The following ADRA1A variants were observed in gnomAD, a reference collection of about 807,000 sequenced individuals.
ADRA1A encodes adrenoceptor alpha 1A.
A neutral mutation model predicts 29.6 loss-of-function variants in ADRA1A; 31 were observed. That is an observed-to-expected ratio of 1.05 (90% CI 0.79 to 1.41). ADRA1A has a LOEUF of 1.41. ADRA1A is among the 40% of genes most tolerant of loss of function. ADRA1A has a pLI of 0.00. For missense variants in ADRA1A, 619 were observed against 601.1 expected (o/e 1.03, Z -0.31); for synonymous variants, 311 against 254.3 (o/e 1.22, Z -2.12).
intron 2 of ADRA1A, among the ~76,000 whole-genome samples, chr8:26,786,448 A>G (rs1180183247): frequency 2.6e-5 from 4 of 151,830 alleles, no homozygotes; most frequent in Non-Finnish European, 5.9e-5. Flanking sequence ...GTTGAATAAT[A>G]AGACTCATTA....
At chr8:26,828,844 A>C (rs976596709) in intron 2 of ADRA1A, among the ~76,000 whole-genome samples, 1 of 152,160 alleles carries the variant, frequency 6.6e-6, no homozygotes, top group African/African-American at 2.4e-5. Context: ...CGTGATAACC[A>C]CATGCAGGAA....
rs1054545537 is a variant in ADRA1A, at chr8:26,806,711, C to T, written c.884-36045G>A. ...CTTTACTCTGGCTTAACCGAGAGTT[C>T]GGTCATTACATAAAGCTGCCACATG... On this transcript the variant is annotated intron_variant, in intron 2 of 2. Transcript: ENST00000380573. This position sits in a 1 kb window ranked among gnomAD's most constrained non-coding sequence, Gnocchi z 4.6. Among the ~76,000 whole-genome samples, 3 of 152,146 alleles carry T rather than the reference C, an allele frequency of 2.0e-5. No individual in the cohort carries two copies. The highest frequency in any genetic ancestry group is 1.9e-4 in the East Asian group (1 of 5,190).
At chr8:26,858,940 C>A in intron 2 of ADRA1A, 1 of 828,606 alleles carries the variant, frequency 1.2e-6, no homozygotes, top group Non-Finnish European at 1.6e-6. Flanking sequence ...CAGCAAGCAA[C>A]CCAGCCTTAG....
Position 26,796,699 on chromosome 8 carries a change from A to T in ADRA1A, c.884-26033T>A, listed in dbSNP as rs145711364. Among the ~76,000 whole-genome samples, 191 of 152,264 alleles carry T rather than the reference A, an allele frequency of 1.3e-3. 2 individuals carry two copies. Among genetic ancestry groups the T allele is most frequent in the African/African-American group, 4.4e-3 (183 of 41,560 alleles). Reference sequence around the variant, plus strand: ...AATGATGCTAAAGGAGGGTCAGTGTAAAAGTGGATAGAGAGATGATTAATT... The same window carrying T: ...AATGATGCTAAAGGAGGGTCAGTGTTAAAGTGGATAGAGAGATGATTAATT... On this transcript the variant is annotated intron_variant, in intron 2 of 2. Transcript: ENST00000380573. This position sits in a 1 kb window ranked among gnomAD's most constrained non-coding sequence, Gnocchi z 5.0.
chr8:26,816,691 A>G (rs1239255339), intron 2 of ADRA1A, among the ~76,000 whole-genome samples: 1 of 152,198 alleles, frequency 6.6e-6, no homozygotes, highest in African/African-American at 2.4e-5. Context: ...TGGCTCACTC[A>G]CACCTCCATG....
chr8:26,784,320 C>T (rs114516653), intron 2 of ADRA1A, among the ~76,000 whole-genome samples: 3,142 of 152,318 alleles, frequency 0.021, 101 homozygotes, highest in African/African-American at 0.069. Context: ...TTCCCGCTGT[C>T]GGGATTCCCC....
At chr8:26,763,198 C>T (rs959730348), downstream of ADRA1A, among the ~76,000 whole-genome samples, 4 of 152,104 alleles carry the variant, frequency 2.6e-5, no homozygotes, top group Non-Finnish European at 4.4e-5. The surrounding 1 kb of genome is among the most constrained non-coding windows in gnomAD (Gnocchi z 4.5). Context: ...TCCAGGCAGG[C>T]CCTCAAATGC....
chr8:26,757,969 AGCC>A (rs1805286562), intron 2 of ADRA1A, among the ~76,000 whole-genome samples: 1 of 152,224 alleles, frequency 6.6e-6, no homozygotes, highest in Non-Finnish European at 1.5e-5. Flanking sequence ...CTAAGTAAGT[AGCC>A]AATGTGAGGA....
intron 2 of ADRA1A, among the ~76,000 whole-genome samples, chr8:26,792,441 T>G (rs1334497782): frequency 6.6e-6 from 1 of 152,008 alleles, no homozygotes; most frequent in Non-Finnish European, 1.5e-5. Context: ...ATGATTAATT[T>G]GATAGATGTA....
chr8:26,787,120 G>C lies in ADRA1A; in HGVS notation c.884-16454C>G, dbSNP rs997787006. On this transcript the variant is annotated intron_variant, in intron 2 of 2. Coordinates refer to ENST00000380573, the MANE Select transcript of ADRA1A (RefSeq NM_000680.4). This position sits in a 1 kb window ranked among gnomAD's most constrained non-coding sequence, Gnocchi z 4.2. ...TAGCTGAGCTCAGATTCAAATTCAG[G>C]CTTCATGCCCAAACTCATGTTTTAA... Among the ~76,000 whole-genome samples the C allele has an allele frequency of 6.6e-6, 1 of 152,058 alleles. No individual in the cohort carries two copies. The highest frequency in any genetic ancestry group is 2.4e-5 in the African/African-American group (1 of 41,390).
chr8:26,785,466 G>C (rs746359923), intron 2 of ADRA1A, among the ~76,000 whole-genome samples: 5 of 152,176 alleles, frequency 3.3e-5, no homozygotes, highest in Admixed American at 1.3e-4. Context: ...GGGTTACACA[G>C]CCAGTGAGCA....
At chr8:26,813,758 A>AT (rs948012754) in intron 2 of ADRA1A, among the ~76,000 whole-genome samples, 10 of 150,898 alleles carry the variant, frequency 6.6e-5, no homozygotes, top group East Asian at 4.1e-4. Flanking sequence ...TTTATTTCCC[A>AT]TTTTTTTAAG....
At chr8:26,839,738 T>C (rs1203442618) in intron 2 of ADRA1A, among the ~76,000 whole-genome samples, 1 of 152,140 alleles carries the variant, frequency 6.6e-6, no homozygotes, top group African/African-American at 2.4e-5. Flanking sequence ...GAAGGAGGCA[T>C]ATTTCTTCCT....
At chr8:26,772,572 C>T (rs746553989) in intron 2 of ADRA1A, among the ~76,000 whole-genome samples, 5 of 152,062 alleles carry the variant, frequency 3.3e-5, no homozygotes, top group African/African-American at 1.2e-4. Context: ...TCCTAATGGC[C>T]CTGAACAATT....
intron 2 of ADRA1A, among the ~76,000 whole-genome samples, chr8:26,834,924 G>T (rs148451801): frequency 6.6e-6 from 1 of 152,072 alleles, no homozygotes; most frequent in Non-Finnish European, 1.5e-5. Context: ...TCAAATCATC[G>T]TGTAAAGGGC....
chr8:26,785,456 G>C (rs994855619), intron 2 of ADRA1A, among the ~76,000 whole-genome samples: 3 of 152,154 alleles, frequency 2.0e-5, no homozygotes, highest in African/African-American at 4.8e-5. Flanking sequence ...AACTTGCTCA[G>C]GGTTACACAG....
At chr8:26,830,344 A>G (rs1810887037) in intron 2 of ADRA1A, among the ~76,000 whole-genome samples, 1 of 152,222 alleles carries the variant, frequency 6.6e-6, no homozygotes, top group South Asian at 2.1e-4. Flanking sequence ...CTGTGGTATT[A>G]TGATGCTCCC....
At chr8:26,760,534 G>A (rs1315976062) in intron 2 of ADRA1A, among the ~76,000 whole-genome samples, 8 of 152,146 alleles carry the variant, frequency 5.3e-5, no homozygotes, top group Non-Finnish European at 1.2e-4. Flanking sequence ...CATTTTTCAA[G>A]CCAGTCATGA....
rs374311840 is a variant in ADRA1A, at chr8:26,860,114, TACC to T, written c.883+3970_883+3972del. On this transcript the variant is annotated intron_variant, in intron 2 of 2. Coordinates refer to ENST00000380573, the MANE Select transcript of ADRA1A (RefSeq NM_000680.4). The surrounding 1 kb of genome is among the most constrained non-coding windows in gnomAD (Gnocchi z 4.7). Reference sequence around the variant, plus strand: ...CCCAGTGATTCCGAGGGCTCCTGTCTACCACCACTTCTCTCCACCACAACATCT... The same window carrying T: ...CCCAGTGATTCCGAGGGCTCCTGTCTACCACTTCTCTCCACCACAACATCT... 2.0e-5 allele frequency among the ~76,000 whole-genome samples: 3 copies of T among 152,236 alleles called. No homozygotes were observed. The highest frequency in any genetic ancestry group is 7.2e-5 in the African/African-American group (3 of 41,528).
Sources: gnomAD v4.1 joint callset for allele counts (sites outside exome capture counted in the v4.1 genomes callset) on GRCh38, gnomAD v4.1.1 for gene constraint, Gnocchi (gnomAD v3.1) non-coding constraint, MANE v1.5 for transcripts, NCBI Gene and HGNC (gene_info 2026-07-23, HGNC 2026-07-21) for gene names.